Variants in TLR9 observed in about 807,000 individuals in gnomAD.
TLR9 encodes the protein toll-like receptor 9.
A neutral mutation model predicts 24.6 loss-of-function variants in TLR9; 19 were observed. The ratio of observed to expected loss-of-function variants is 0.77; its 90% confidence interval spans 0.54 to 1.13. The LOEUF is 1.13. Ranked by LOEUF, TLR9 falls within the 50% of genes most tolerant of loss-of-function variation. The pLI, the probability that TLR9 is intolerant of heterozygous loss-of-function variation, is 0.00. For missense variants in TLR9, 1,065 were observed against 1,379.6 expected (o/e 0.77, Z 3.61); for synonymous variants, 579 against 609.8 (o/e 0.95, Z 0.74).
Position 52,222,308 on chromosome 3 carries a change from A to C in TLR9, c.2008T>G (p.Trp670Gly). The C allele has an allele frequency of 6.2e-7, 1 of 1,614,180 alleles. No individual in the cohort carries two copies. The highest frequency in any genetic ancestry group is 8.5e-7 in the Non-Finnish European group (1 of 1,180,020). Residue 670 changes from tryptophan to glycine, a missense_variant, in exon 2 of 2, where the codon TGG (tryptophan) becomes GGG (glycine). By Grantham distance (184) the Trp-to-Gly change is radical. Coordinates refer to ENST00000360658, the MANE Select transcript of TLR9 (RefSeq NM_017442.4). ...LRDNYLAFFK[W>G]WSLHFLPKLE... The stretch of plus-strand genomic sequence containing the variant: ...TTGGGCAGGAAGTGGAGGCTCCACC[A>C]CTTAAAGAAGGCCAGGTAATTGTCA...
At position 52,221,110 on chromosome 3, in the gene TLR9, C is replaced by G. The variant is rs1003773252; in HGVS notation, c.*107G>C. ...TTCGGTAGCATTTATTGAGTGCCTG[C>G]TCTGTGTCAGGTGTGGGGTGAGGGA... On this transcript the variant is annotated 3_prime_UTR_variant, in exon 2 of 2. Transcript: ENST00000360658. The surrounding 1 kb of genome is among the most constrained non-coding windows in gnomAD (Gnocchi z 9.9). 4.8e-6 allele frequency: 5 copies of G among 1,052,018 alleles called. No individual in the cohort carries two copies. The Admixed American group carries it at 1.3e-4, about 27-fold the overall frequency. 65.2% of individuals were successfully genotyped at this position (1,052,018 alleles called of 1,614,324 possible).
In TLR9 at chr3:52,221,878, G is replaced by C; in HGVS notation, c.2438C>G (p.Ala813Gly). 1.2e-6 allele frequency: 2 copies of C among 1,613,778 alleles called. No homozygotes were observed. The highest frequency in any genetic ancestry group is 8.5e-7 in the Non-Finnish European group (1 of 1,179,998). The change falls in exon 2 of 2, where the codon GCC (alanine) becomes GGC (glycine). Residue 813 changes from alanine (A) to glycine (G), a missense_variant. Coordinates refer to ENST00000360658, the MANE Select transcript of TLR9 (RefSeq NM_017442.4). The surrounding 1 kb of genome is among the most constrained non-coding windows in gnomAD (Gnocchi z 9.9). ...GAGGGCGAAACAGTCCCAGGAGAGG[G>C]CCTCATCCAGGCAGAGGCGCAGGTC... is the stretch of plus-strand genomic sequence containing the variant. ...AQDLRLCLDE[A>G]LSWDCFALSL...
intron 1 of TLR9, 67 bp from the exon 2 acceptor site, chr3:52,224,379 G>A: frequency 3.1e-6 from 4 of 1,280,906 alleles, no homozygotes; most frequent in Non-Finnish European, 4.4e-6. Flanking sequence ...TCCACTTCAT[G>A]GGCATCTTCT....
At position 52,223,897 on chromosome 3, in the gene TLR9, G is replaced by T; in HGVS notation, c.419C>A (p.Ala140Glu). The T allele has an allele frequency of 1.2e-6, 2 of 1,608,324 alleles. No homozygotes were observed. Among genetic ancestry groups the T allele is most frequent in the East Asian group, 2.2e-5 (1 of 44,760 alleles). Residue 140 changes from alanine to glutamate, a missense_variant, in exon 2 of 2, where the codon GCG (alanine) becomes GAG (glutamate). Physicochemically the swap from Ala to Glu is moderately radical, Grantham distance 107. Transcript: ENST00000360658. The stretch of plus-strand genomic sequence containing the variant: ...CAGGGATATGAGGGATTTGGGCAGC[G>T]CAGGCACAGTCATGATGTTGTTGTA... ...LSYNNIMTVPALPKSLISLSL... is the reference protein window; with the variant it reads ...LSYNNIMTVPELPKSLISLSL...
rs1418290763 is a variant in TLR9 at position 52,221,177 on chromosome 3, T to G, written c.*40A>C. ...TCAGACCAGGCAGGCAGAGGTGAGG[T>G]GAGTGTGGAGGTGGCACCGTGCAGG... On this transcript the variant is annotated 3_prime_UTR_variant, in exon 2 of 2. Transcript: ENST00000360658. The surrounding 1 kb of genome is among the most constrained non-coding windows in gnomAD (Gnocchi z 9.9). 6.8e-7 allele frequency: 1 copy of G among 1,478,020 alleles called. No homozygotes were observed. Among genetic ancestry groups the G allele is most frequent in the Non-Finnish European group, 9.0e-7 (1 of 1,109,814 alleles). 91.6% of individuals were successfully genotyped at this position (1,478,020 alleles called of 1,614,324 possible).
At position 52,221,528 on chromosome 3, in the gene TLR9, T is replaced by C. The variant is rs776511982; in HGVS notation, c.2788A>G (p.Ser930Gly). The C allele has an allele frequency of 6.2e-7, 1 of 1,612,882 alleles. No homozygotes were observed. The highest frequency in any genetic ancestry group is 1.7e-5 in the Admixed American group (1 of 60,034). ...GCCAGCACAAACAGCGTCTTGCGGC[T>C]GCCATAGACCGAGGCCCACAGGTTC... ...FENLWASVYGSRKTLFVLAHT... is the reference protein window; with the variant it reads ...FENLWASVYGGRKTLFVLAHT... The change falls in exon 2 of 2, where the codon AGC (serine) becomes GGC (glycine). Residue 930 changes from serine to glycine, a missense_variant. Physicochemically the swap from Ser to Gly is moderately conservative, Grantham distance 56 (BLOSUM62 0). Transcript: ENST00000360658. The surrounding 1 kb of genome is among the most constrained non-coding windows in gnomAD (Gnocchi z 9.9).
In TLR9 at chr3:52,223,116, C is replaced by A. The variant is rs41308230; in HGVS notation, c.1200G>T (p.Met400Ile). The part of the protein sequence containing the change: ...LPMLQTLRLQ[M>I]NFINQAQLGI... The stretch of plus-strand genomic sequence containing the variant: ...CGAGCTGGGCCTGGTTGATGAAGTT[C>A]ATCTGCAGACGCAGAGTCTGGAGCA... Residue 400 changes from methionine (M) to isoleucine (I), a missense_variant, in exon 2 of 2, where the codon ATG becomes ATT. Physicochemically the swap from Met to Ile is conservative, Grantham distance 10. Transcript: ENST00000360658. 1 of 1,613,762 alleles carries A rather than the reference C, an allele frequency of 6.2e-7. No homozygotes were observed. The highest frequency in any genetic ancestry group is 8.5e-7 in the Non-Finnish European group (1 of 1,179,890).
chr3:52,223,283 A>C lies in TLR9; in HGVS notation c.1033T>G (p.Tyr345Asp). The change falls in exon 2 of 2, where the codon TAC becomes GAC. Residue 345 changes from tyrosine (Y) to aspartate (D), a missense_variant. Transcript: ENST00000360658. ...TGGGCAAAGGACACCCTCTTTTGGT[A>C]ATTGAAGGACAGGTTAAGCTTGCGC... ...QLRKLNLSFN[Y>D]QKRVSFAHLS... The C allele has an allele frequency of 6.2e-7, 1 of 1,614,150 alleles. No individual in the cohort carries two copies. Among genetic ancestry groups the C allele is most frequent in the Non-Finnish European group, 8.5e-7 (1 of 1,180,024 alleles).
chr3:52,223,105 T>G lies in TLR9; in HGVS notation c.1211A>C (p.Asn404Thr), dbSNP rs755406172. 1 of 1,613,596 alleles carries G rather than the reference T, an allele frequency of 6.2e-7. No homozygotes were observed. Among genetic ancestry groups the G allele is most frequent in the East Asian group, 2.2e-5 (1 of 44,878 alleles). Residue 404 changes from asparagine to threonine, a missense_variant, in exon 2 of 2, where the codon AAC (asparagine) becomes ACC (threonine). Asn to Thr is a moderately conservative substitution (Grantham distance 65). Coordinates refer to ENST00000360658, the MANE Select transcript of TLR9 (RefSeq NM_017442.4). ...CCTGAAGATGCCGAGCTGGGCCTGG[T>G]TGATGAAGTTCATCTGCAGACGCAG... is the stretch of plus-strand genomic sequence containing the variant. The part of the protein sequence containing the change: ...QTLRLQMNFI[N>T]QAQLGIFRAF...
In TLR9 at chr3:52,221,969, C is replaced by T. The variant is rs769171891; in HGVS notation, c.2347G>A (p.Gly783Ser). 2.5e-5 allele frequency: 41 copies of T among 1,608,236 alleles called. No individual in the cohort carries two copies. The highest frequency in any genetic ancestry group is 2.8e-5 in the Non-Finnish European group (33 of 1,177,078). The change falls in exon 2 of 2, where the codon GGT becomes AGT. Residue 783 changes from glycine to serine, a missense_variant. Physicochemically the swap from Gly to Ser is moderately conservative, Grantham distance 56. Transcript: ENST00000360658. The surrounding 1 kb of genome is among the most constrained non-coding windows in gnomAD (Gnocchi z 9.9). ...FLLEVQAAVP[G>S]LPSRVKCGSP... ...CCACACTTCACCCGGCTGGGCAGAC[C>T]GGGCACGGCAGCCTGCACCTCCAGC... is the stretch of plus-strand genomic sequence containing the variant.
At position 52,221,973 on chromosome 3, in the gene TLR9, C is replaced by T; in HGVS notation, c.2343G>A (p.Val781=). The change falls in exon 2 of 2, where the codon GTG becomes GTA. Residue 781 remains valine (V), a synonymous_variant. Coordinates refer to ENST00000360658, the MANE Select transcript of TLR9 (RefSeq NM_017442.4). This position sits in a 1 kb window ranked among gnomAD's most constrained non-coding sequence, Gnocchi z 9.9. ...MDFLLEVQAA[V]PGLPSRVKCG... is the part of the protein sequence containing the mutation. ...ACTTCACCCGGCTGGGCAGACCGGG[C>T]ACGGCAGCCTGCACCTCCAGCAGGA... is the stretch of plus-strand genomic sequence containing the variant. 1.2e-6 allele frequency: 2 copies of T among 1,608,382 alleles called. No homozygotes were observed. Among genetic ancestry groups the T allele is most frequent in the Non-Finnish European group, 1.7e-6 (2 of 1,177,076 alleles).
Position 52,222,724 on chromosome 3 carries a change from T to C in TLR9, c.1592A>G (p.Asn531Ser). 1.2e-6 allele frequency: 2 copies of C among 1,613,866 alleles called. No homozygotes were observed. The highest frequency in any genetic ancestry group is 1.7e-6 in the Non-Finnish European group (2 of 1,179,884). ...GTGCTCGTGGTAGAGGTCCAGCTTA[T>C]TGTGGGACAGGTCTAGCACCTGCAG... is the stretch of plus-strand genomic sequence containing the variant. ...TGLQVLDLSH[N>S]KLDLYHEHSF... The change falls in exon 2 of 2, where the codon AAT becomes AGT. Residue 531 changes from asparagine (N) to serine (S), a missense_variant. By Grantham distance (46) the Asn-to-Ser change is conservative (BLOSUM62 1). Transcript: ENST00000360658.
chr3:52,222,530 A>G lies in TLR9; in HGVS notation c.1786T>C (p.Cys596Arg), dbSNP rs572658072. The change falls in exon 2 of 2, where the codon TGC (cysteine) becomes CGC (arginine). Residue 596 changes from cysteine (C) to arginine (R), a missense_variant. Cys to Arg is a radical substitution (Grantham distance 180). Transcript: ENST00000360658. Reference sequence around the variant, plus strand: ...TCCAGGGCCCGCAGCGACGTACTGCAGAGCTGCTGGGACACTTGGCTGTGG... The same window carrying G: ...TCCAGGGCCCGCAGCGACGTACTGCGGAGCTGCTGGGACACTTGGCTGTGG... ...NIHSQVSQQLCSTSLRALDFS... is the reference protein window; with the variant it reads ...NIHSQVSQQLRSTSLRALDFS... 4 of 1,614,206 alleles carry G rather than the reference A, an allele frequency of 2.5e-6. No individual in the cohort carries two copies. Among genetic ancestry groups the G allele is most frequent in the Non-Finnish European group, 2.5e-6 (3 of 1,180,018 alleles).
intron 1 of TLR9, 27 bp downstream of exon 1, chr3:52,225,497 TCCC>T (rs1559438661): frequency 6.3e-7 from 1 of 1,597,416 alleles, no homozygotes; most frequent in Non-Finnish European, 8.5e-7. Context: ...GATATCCCCT[TCCC>T]CAGGGGACTG....
In TLR9 at chr3:52,222,775, C is replaced by A. The variant is rs1217818548; in HGVS notation, c.1541G>T (p.Gly514Val). The change falls in exon 2 of 2, where the codon GGC becomes GTC. Residue 514 changes from glycine (G) to valine (V), a missense_variant. Coordinates refer to ENST00000360658, the MANE Select transcript of TLR9 (RefSeq NM_017442.4). ...ACCGGTCAGCGGCAGGAACTGGGAGCCATTGACTGCCTGCGAGATGCAGTT... is the reference window on the plus strand; with the variant it reads ...ACCGGTCAGCGGCAGGAACTGGGAGACATTGACTGCCTGCGAGATGCAGTT... ...SHNCISQAVN[G>V]SQFLPLTGLQ... 6.2e-7 allele frequency: 1 copy of A among 1,613,884 alleles called. No individual in the cohort carries two copies. The highest frequency in any genetic ancestry group is 8.5e-7 in the Non-Finnish European group (1 of 1,180,048).
rs752002290 is a variant in TLR9, at chr3:52,221,148, AG to A, written c.*68del. ...GTGGGGTGAGGGAGGCGAGCAGGGG[AG>A]GGTCAGACCAGGCAGGCAGAGGTGA... On this transcript the variant is annotated 3_prime_UTR_variant, in exon 2 of 2. Coordinates refer to ENST00000360658, the MANE Select transcript of TLR9 (RefSeq NM_017442.4). The surrounding 1 kb of genome is among the most constrained non-coding windows in gnomAD (Gnocchi z 9.9). The A allele has an allele frequency of 2.7e-4, 381 of 1,397,842 alleles. No homozygotes were observed. The highest frequency in any genetic ancestry group is 3.9e-4 in the South Asian group (26 of 67,084). The allele number at this position is 1,397,842 out of a possible 1,614,324, so 86.6% of individuals were successfully genotyped here. A position where few individuals can be genotyped will look rare whatever the true frequency, so the allele number is the denominator to read the frequency against.
intron 1 of TLR9, among the ~76,000 whole-genome samples, chr3:52,225,180 A>C (rs1467271252): frequency 1.3e-5 from 2 of 152,204 alleles, no homozygotes; most frequent in African/African-American, 4.8e-5. Context: ...CCCTGGCTCT[A>C]CTAAAAATAC....
Position 52,221,378 on chromosome 3 carries a change from AGCGGG to A in TLR9, c.2933_2937del (p.Ser978LeufsTer43). 6.3e-7 allele frequency: 1 copy of A among 1,589,286 alleles called. No individual in the cohort carries two copies. ...CAGAGGCGCTGGCGCAGCCGCACGTAGCGGGAGCGGCGGCCGTCAGGGCTCAGGAT... is the reference window on the plus strand; with the variant it reads ...CAGAGGCGCTGGCGCAGCCGCACGTAAGCGGCGGCCGTCAGGGCTCAGGAT... On this transcript the variant is annotated frameshift_variant, in exon 2 of 2. Coordinates refer to ENST00000360658, the MANE Select transcript of TLR9 (RefSeq NM_017442.4). LOFTEE classifies it high-confidence loss of function. The surrounding 1 kb of genome is among the most constrained non-coding windows in gnomAD (Gnocchi z 9.9).
Position 52,223,386 on chromosome 3 carries a change from G to C in TLR9, c.930C>G (p.Leu310=), listed in dbSNP as rs1293433787. The C allele has an allele frequency of 1.2e-6, 2 of 1,614,070 alleles. No homozygotes were observed. Among genetic ancestry groups the C allele is most frequent in the Non-Finnish European group, 8.5e-7 (1 of 1,179,970 alleles). Residue 310 remains leucine, a synonymous_variant, in exon 2 of 2, where the codon CTC becomes CTG. Coordinates refer to ENST00000360658, the MANE Select transcript of TLR9 (RefSeq NM_017442.4). ...NASWFRGLGN[L]RVLDLSENFL... ...AGTTCTCACTCAGGTCCAGCACTCG[G>C]AGGTTTCCCAGCCCACGGAACCAAC... is the stretch of plus-strand genomic sequence containing the variant.
Sources: allele counts gnomAD v4.1 joint callset (sites outside exome capture counted in the v4.1 genomes callset), GRCh38; gene constraint gnomAD v4.1.1; non-coding constraint Gnocchi (gnomAD v3.1); transcripts MANE v1.5; gene names NCBI Gene and HGNC (gene_info 2026-07-23, HGNC 2026-07-21).